Variants in SCN10A observed in about 807,000 individuals in gnomAD.
SCN10A encodes sodium voltage-gated channel alpha subunit 10, also known as sodium channel protein type 10 subunit alpha.
SCN10A carries 162 observed loss-of-function variants against 170.7 expected under a neutral mutation model. The observed-to-expected ratio is 0.95, with a 90% confidence interval of 0.84 to 1.08. The LOEUF is 1.08. Ranked by LOEUF, SCN10A falls within the 50% of genes least tolerant of loss-of-function variation. SCN10A has a pLI of 0.00. For synonymous variants in SCN10A, 985 were observed against 904.6 expected, an observed-to-expected ratio of 1.09 and a Z score of -1.59; for missense variants, 2,527 against 2,436.9, an observed-to-expected ratio of 1.04 and a Z score of -0.78.
At chr3:38,755,417 C>G (rs1004642304) in intron 11 of SCN10A, among the ~76,000 whole-genome samples, 6 of 151,450 alleles carry the variant, frequency 4.0e-5, no homozygotes, top group Admixed American at 6.6e-5. Context: ...TTGGCATGTT[C>G]AGTATGGGCT....
rs769737839 is a variant in SCN10A at position 38,698,216 on chromosome 3, G to T, written c.5004C>A (p.Ser1668Arg). The T allele has an allele frequency of 6.2e-7, 1 of 1,614,174 alleles. No homozygotes were observed. The highest frequency in any genetic ancestry group is 8.5e-7 in the Non-Finnish European group (1 of 1,180,018). The change falls in exon 28 of 28, where the codon AGC (serine) becomes AGA (arginine). Residue 1668 changes from serine to arginine, a missense_variant. Physicochemically the swap from Ser to Arg is moderately radical, Grantham distance 110. Transcript: ENST00000449082. ...AGGGGGGCCCTGTGTTGAGGATGGG[G>T]CTGAGGAGGCCATCCCAGCCGGCCG... ...TTSAGWDGLL[S>R]PILNTGPPYC...
Position 38,792,078 on chromosome 3 carries a change from T to A in SCN10A, c.361A>T (p.Arg121Ter). The A allele has an allele frequency of 6.2e-7, 1 of 1,613,806 alleles. No homozygotes were observed. Among genetic ancestry groups the A allele is most frequent in the Non-Finnish European group, 8.5e-7 (1 of 1,179,794 alleles). ...TGGACAGACACTTTGATGGCCGTTC[T>A]TCTGATCAGGTTGAAAGGACTGAAT... ...WLFSPFNLIR[R>*]TAIKVSVHSW... The change falls in exon 3 of 28, where the codon AGA becomes TGA. Residue 121 changes from arginine (R) to a stop codon, truncating the protein, a stop_gained. Transcript: ENST00000449082. LOFTEE classifies it high-confidence loss of function.
intron 4 of SCN10A, among the ~76,000 whole-genome samples, chr3:38,783,970 C>T (rs1168754701): frequency 6.6e-6 from 1 of 151,794 alleles, no homozygotes; most frequent in African/African-American, 2.4e-5. Flanking sequence ...GTTAAGAATA[C>T]TTTCATATGT....
intron 4 of SCN10A, among the ~76,000 whole-genome samples, chr3:38,776,548 T>C (rs544388762): frequency 6.6e-6 from 1 of 152,250 alleles, no homozygotes; most frequent in African/African-American, 2.4e-5. Flanking sequence ...AAATCAGTTT[T>C]TGAAGCACAT....
chr3:38,765,818 A>G (rs1376920767), intron 5 of SCN10A, among the ~76,000 whole-genome samples: 1 of 152,062 alleles, frequency 6.6e-6, no homozygotes, highest in Non-Finnish European at 1.5e-5. Flanking sequence ...CAGTAAGGTC[A>G]TTTTCACAAT....
At position 38,707,289 on chromosome 3, in the gene SCN10A, G is replaced by A. The variant is rs757704367; in HGVS notation, c.4376C>T (p.Pro1459Leu). The A allele has an allele frequency of 3.2e-5, 52 of 1,613,870 alleles. 1 individual carries two copies. The South Asian group carries it at 5.2e-4, about 16-fold the overall frequency. ...LGSKKPQKPI[P>L]RPLNKFQGFV... is the part of the protein sequence containing the mutation. The stretch of plus-strand genomic sequence containing the variant: ...ACCTCTGGGGCTCACCAGGGGCCGT[G>A]GGATGGGCTTCTGGGGCTTCTTGGA... The change falls in exon 26 of 28, where the codon CCA (proline) becomes CTA (leucine). Residue 1459 changes from proline (P) to leucine (L), a missense_variant. Coordinates refer to ENST00000449082, the MANE Select transcript of SCN10A (RefSeq NM_006514.4).
At chr3:38,781,399 G>C (rs535276217) in intron 4 of SCN10A, among the ~76,000 whole-genome samples, 1 of 152,236 alleles carries the variant, frequency 6.6e-6, no homozygotes, top group South Asian at 2.1e-4. Context: ...TGCAAGGCCT[G>C]CAGCTGGCAT....
intron 26 of SCN10A, among the ~76,000 whole-genome samples, chr3:38,706,965 C>A (rs1470880193): frequency 6.6e-6 from 1 of 152,144 alleles, no homozygotes; most frequent in Non-Finnish European, 1.5e-5. Context: ...GTTCTAACTA[C>A]CCTTACTGTC....
In SCN10A at chr3:38,742,495, G is replaced by A; in HGVS notation, c.1902C>T (p.Cys634=). Residue 634 remains cysteine (C), a synonymous_variant, in exon 14 of 28, where the codon TGC becomes TGT. Coordinates refer to ENST00000449082, the MANE Select transcript of SCN10A (RefSeq NM_006514.4). ...GATACTTCTGAGACAAGCTGGTCAA[G>A]CAGGGTGGGCACTTCTGTTCAGACT... The part of the protein sequence containing the change: ...LEESEQKCPP[C]LTSLSQKYLI... 4 of 1,614,158 alleles carry A rather than the reference G, an allele frequency of 2.5e-6. No homozygotes were observed. The highest frequency in any genetic ancestry group is 3.4e-6 in the Non-Finnish European group (4 of 1,180,028).
At chr3:38,791,008 AGT>A (rs1440202188) in intron 3 of SCN10A, among the ~76,000 whole-genome samples, 1 of 152,226 alleles carries the variant, frequency 6.6e-6, no homozygotes, top group Non-Finnish European at 1.5e-5. Context: ...CTTCATGTTG[AGT>A]GTGCAGATAG....
chr3:38,725,271 G>GC lies in SCN10A; in HGVS notation c.3130_3131insG (p.Thr1044SerfsTer12), dbSNP rs1204092075. Reference sequence around the variant, plus strand: ...TGTTCCAGTGCCTGGGCTCCTGGGTGTCAGGTGGTCCCCACACCTCTCGAC... The same window carrying GC: ...TGTTCCAGTGCCTGGGCTCCTGGGTGCTCAGGTGGTCCCCACACCTCTCGAC... On this transcript the variant is annotated frameshift_variant, in exon 18 of 28. Transcript: ENST00000449082. LOFTEE classifies it high-confidence loss of function. The GC allele has an allele frequency of 5.0e-6, 8 of 1,599,812 alleles. No homozygotes were observed. Among genetic ancestry groups the GC allele is most frequent in the Non-Finnish European group, 6.8e-6 (8 of 1,169,704 alleles).
chr3:38,713,983 G>T lies in SCN10A; in HGVS notation c.3779C>A (p.Ala1260Asp). 1 of 1,613,868 alleles carries T rather than the reference G, an allele frequency of 6.2e-7. No individual in the cohort carries two copies. The highest frequency in any genetic ancestry group is 8.5e-7 in the Non-Finnish European group (1 of 1,180,046). Residue 1260 changes from alanine (A) to aspartate (D), a missense_variant, in exon 22 of 28, where the codon GCT (alanine) becomes GAT (aspartate). Transcript: ENST00000449082. ...RTLRALRPLRALSRFEGMRVV... is the reference protein window; with the variant it reads ...RTLRALRPLRDLSRFEGMRVV... ...CCGCATGCCTTCAAATCGAGAAAGA[G>T]CCCGCAGTGGCCGCAGAGCGCGAAG...
intron 21 of SCN10A, among the ~76,000 whole-genome samples, chr3:38,715,038 C>A (rs983631154): frequency 1.3e-5 from 2 of 152,160 alleles, no homozygotes; most frequent in African/African-American, 2.4e-5. Flanking sequence ...AATGTCCATT[C>A]TTTGGATGAG....
At chr3:38,765,926 T>A (rs11129807) in intron 5 of SCN10A, among the ~76,000 whole-genome samples, 34,443 of 151,848 alleles carry the variant, frequency 0.23, 4,149 homozygotes, top group East Asian at 0.4. Context: ...CTTGTAGAAA[T>A]CTTTCACCTT....
At chr3:38,814,977 C>T (rs2064462990) in intron 1 of SCN10A, among the ~76,000 whole-genome samples, 1 of 152,202 alleles carries the variant, frequency 6.6e-6, no homozygotes, top group Non-Finnish European at 1.5e-5. Flanking sequence ...TCCAGTAAAG[C>T]TGATTCAAAC....
chr3:38,796,786 A>C (rs181857374), intron 1 of SCN10A, among the ~76,000 whole-genome samples: 2 of 152,070 alleles, frequency 1.3e-5, no homozygotes, highest in Non-Finnish European at 2.9e-5. Flanking sequence ...TCATGTTCCC[A>C]TAACTCTCTG....
intron 8 of SCN10A, among the ~76,000 whole-genome samples, chr3:38,757,640 A>T (rs565278706): frequency 6.6e-6 from 1 of 152,242 alleles, no homozygotes; most frequent in South Asian, 2.1e-4. Flanking sequence ...TGCTTTACAA[A>T]CACTATAATT....
chr3:38,699,709 G>A (rs2063137318), intron 27 of SCN10A, among the ~76,000 whole-genome samples: 1 of 151,932 alleles, frequency 6.6e-6, no homozygotes, highest in African/African-American at 2.4e-5. Context: ...TACATTATTT[G>A]TCTACATACT....
chr3:38,723,011 GAC>G (rs2063411025), intron 19 of SCN10A, among the ~76,000 whole-genome samples: 2 of 152,170 alleles, frequency 1.3e-5, no homozygotes, highest in Non-Finnish European at 2.9e-5. Flanking sequence ...AGATGACTAA[GAC>G]ACAGGTTCTG....
Sources: allele counts gnomAD v4.1 joint callset (sites outside exome capture counted in the v4.1 genomes callset), GRCh38; gene constraint gnomAD v4.1.1; transcripts MANE v1.5; gene names NCBI Gene and HGNC (gene_info 2026-07-23, HGNC 2026-07-21).